Variants in DNAI4 observed in about 807,000 individuals in gnomAD.
DNAI4 encodes the protein WD repeat domain 78.
In DNAI4, 85 loss-of-function variants were observed where a neutral mutation model predicts 105.8. The ratio of observed to expected loss-of-function variants is 0.80; its 90% confidence interval spans 0.67 to 0.96. DNAI4 has a LOEUF of 0.96. Among genes scored for constraint, DNAI4 ranks in the 40% least tolerant of loss-of-function variants. DNAI4 has a pLI of 0.00. For synonymous variants in DNAI4, 352 were observed against 331.5 expected (o/e 1.06, Z -0.67); for missense variants, 1,014 against 1,005.6 (o/e 1.01, Z -0.11).
intron 2 of DNAI4, among the ~76,000 whole-genome samples, chr1:66,904,022 T>TATATATATATATGC (rs568374007): frequency 7.7e-4 from 116 of 151,476 alleles, no homozygotes; most frequent in African/African-American, 2.4e-3. Context: ...TTTGTGTGTG[T>TATATATATATATGC]ATATATACAT....
At chr1:66,866,891 T>C (rs1646745647) in intron 6 of DNAI4, among the ~76,000 whole-genome samples, 1 of 152,224 alleles carries the variant, frequency 6.6e-6, no homozygotes, top group African/African-American at 2.4e-5. Context: ...TTTAATTGAC[T>C]CACAGTTCCA....
chr1:66,917,102 A>G (rs990966253), intron 1 of DNAI4, among the ~76,000 whole-genome samples: 2 of 152,248 alleles, frequency 1.3e-5, no homozygotes, highest in Non-Finnish European at 2.9e-5. Flanking sequence ...CTTATTTGGT[A>G]TAAAAATTAG....
chr1:66,892,780 C>A (rs564594634), intron 3 of DNAI4, among the ~76,000 whole-genome samples: 1 of 150,884 alleles, frequency 6.6e-6, no homozygotes, highest in African/African-American at 2.4e-5. Context: ...AGTGGGGGGG[C>A]GCCTGTAATC....
chr1:66,820,247 G>T, intron 16 of DNAI4, among the ~76,000 whole-genome samples: 1 of 116,420 alleles, frequency 8.6e-6, no homozygotes, highest in East Asian at 2.2e-4. Flanking sequence ...AATGCATTTT[G>T]CAAAAAAAAA....
intron 7 of DNAI4, chr1:66,860,797 T>C (rs1015194988): frequency 6.6e-6 from 1 of 152,174 alleles, no homozygotes; most frequent in African/African-American, 2.4e-5. Flanking sequence ...CAGTCTAAGA[T>C]TGGATTGTTC....
At chr1:66,840,011 G>T (rs995358310) in intron 9 of DNAI4, among the ~76,000 whole-genome samples, 2 of 152,112 alleles carry the variant, frequency 1.3e-5, no homozygotes, top group Non-Finnish European at 2.9e-5. Flanking sequence ...AATATCGGTG[G>T]TAACAGTATT....
At chr1:66,906,959 G>A (rs1649299411) in intron 1 of DNAI4, 1 of 151,944 alleles carries the variant, frequency 6.6e-6, no homozygotes, top group African/African-American at 2.4e-5. Flanking sequence ...TGGTGTCTCA[G>A]GGACTCTTCT....
At chr1:66,885,363 C>G (rs1647171338) in intron 4 of DNAI4, among the ~76,000 whole-genome samples, 1 of 152,182 alleles carries the variant, frequency 6.6e-6, no homozygotes. Context: ...TCTTTCAGAG[C>G]TGGTCTGCTG....
chr1:66,909,317 C>CACACACACACACACA (rs1275017927), intron 1 of DNAI4, among the ~76,000 whole-genome samples: 1 of 151,574 alleles, frequency 6.6e-6, no homozygotes, highest in African/African-American at 2.4e-5. Flanking sequence ...CACACACACA[C>CACACACACACACACA]ACACAGTCTC....
chr1:66,911,102 T>C (rs1174265074), intron 1 of DNAI4, among the ~76,000 whole-genome samples: 1 of 152,164 alleles, frequency 6.6e-6, no homozygotes, highest in Non-Finnish European at 1.5e-5. Context: ...AAAAAATAGG[T>C]TGTGGCCTGT....
chr1:66,836,107 A>G (rs1363141790), intron 10 of DNAI4, among the ~76,000 whole-genome samples: 1 of 149,322 alleles, frequency 6.7e-6, no homozygotes, highest in Non-Finnish European at 1.5e-5. Context: ...CCTGGGCAAC[A>G]TAACAAGACC....
chr1:66,912,650 A>G (rs998581547), intron 1 of DNAI4, among the ~76,000 whole-genome samples: 16 of 152,084 alleles, frequency 1.1e-4, no homozygotes, highest in Non-Finnish European at 8.8e-5. Flanking sequence ...TGCTCCAACC[A>G]TCTTCGGCAC....
chr1:66,867,317 T>C (rs528727695), intron 6 of DNAI4, among the ~76,000 whole-genome samples: 1 of 152,236 alleles, frequency 6.6e-6, no homozygotes, highest in African/African-American at 2.4e-5. Flanking sequence ...GTTGTTCCCC[T>C]TCAATCTTCC....
intron 1 of DNAI4, among the ~76,000 whole-genome samples, chr1:66,919,791 A>G (rs755488739): frequency 6.6e-5 from 10 of 152,136 alleles, no homozygotes; most frequent in African/African-American, 2.4e-4. Context: ...GAAATACCCA[A>G]CTCTGGCCCC....
chr1:66,822,498 T>A lies in DNAI4; in HGVS notation c.2359A>T (p.Asn787Tyr), dbSNP rs1163223100. Residue 787 changes from asparagine (N) to tyrosine (Y), a missense_variant, in exon 16 of 17, where the codon AAT becomes TAT. Asn to Tyr is a moderately radical substitution (Grantham distance 143). Coordinates refer to ENST00000371026, the MANE Select transcript of DNAI4 (RefSeq NM_024763.5). ...AACTTGATTCCAGGGTTAGCAGTAT[T>A]CACAATCAGAGGGTCCAAACTGTAA... The part of the protein sequence containing the change: ...HISTLDPLIV[N>Y]TANPGIKFTT... 6 of 1,609,404 alleles carry A rather than the reference T, an allele frequency of 3.7e-6. No individual in the cohort carries two copies. The African/African-American group carries it at 8.0e-5, about 22-fold the overall frequency.
In DNAI4 at chr1:66,863,909, A is replaced by G. The variant is rs187568908; in HGVS notation, c.941-1607T>C. ...TTTTCCATGTTCATGAAGAGAACTT[A>G]GAAATTACATCTTTGAACACTGAAT... On this transcript the variant is annotated intron_variant, in intron 6 of 16. Coordinates refer to ENST00000371026, the MANE Select transcript of DNAI4 (RefSeq NM_024763.5). 3.8e-3 allele frequency among the ~76,000 whole-genome samples: 580 copies of G among 152,362 alleles called. 3 individuals are homozygous for G. Among genetic ancestry groups the G allele is most frequent in the Non-Finnish European group, 3.9e-3 (265 of 68,030 alleles).
intron 7 of DNAI4, among the ~76,000 whole-genome samples, chr1:66,861,213 C>G (rs1186837472): frequency 1.3e-5 from 2 of 152,126 alleles, no homozygotes; most frequent in Non-Finnish European, 2.9e-5. Context: ...TACTGATTTA[C>G]TGAACTTGAA....
Position 66,924,825 on chromosome 1 carries a change from G to GC in DNAI4, c.6dup (p.Pro3AlafsTer13). 6.2e-7 allele frequency: 1 copy of GC among 1,614,050 alleles called. No individual in the cohort carries two copies. Among genetic ancestry groups the GC allele is most frequent in the Non-Finnish European group, 8.5e-7 (1 of 1,179,966 alleles). ...GCCGAGGCTCCGGAATGTTTGCCGG[G>GC]CGTCATGGCGACGGTGGAGCCCTGG... On this transcript the variant is annotated frameshift_variant, in exon 1 of 17. Coordinates refer to ENST00000371026, the MANE Select transcript of DNAI4 (RefSeq NM_024763.5). LOFTEE classifies it high-confidence loss of function.
chr1:66,918,400 T>C (rs1269489942), intron 1 of DNAI4, among the ~76,000 whole-genome samples: 1 of 152,232 alleles, frequency 6.6e-6, no homozygotes, highest in East Asian at 1.9e-4. Flanking sequence ...ATGTTTTCAA[T>C]TTTCTTCCTT....
Sources: gnomAD v4.1 joint callset for allele counts (sites outside exome capture counted in the v4.1 genomes callset) on GRCh38, gnomAD v4.1.1 for gene constraint, MANE v1.5 for transcripts, NCBI Gene and HGNC (gene_info 2026-07-23, HGNC 2026-07-21) for gene names.